Variants in LIX1 observed in about 807,000 individuals in gnomAD.
LIX1 encodes the protein protein limb expression 1 homolog.
Under a neutral mutation model 33.4 loss-of-function variants are expected in LIX1, and 24 were observed. The ratio of observed to expected loss-of-function variants is 0.72; its 90% confidence interval spans 0.52 to 1.01. LIX1 has a LOEUF of 1.01. Ranked by LOEUF, LIX1 falls within the 50% of genes least tolerant of loss-of-function variation. The pLI is 0.00. For missense variants in LIX1, 311 were observed against 339.2 expected (o/e 0.92, Z 0.65); for synonymous variants, 124 against 124.0 (o/e 1.00, Z 0.00).
At chr5:97,135,097 G>A (rs1748145346) in intron 1 of LIX1, among the ~76,000 whole-genome samples, 1 of 152,046 alleles carries the variant, frequency 6.6e-6, no homozygotes, top group African/African-American at 2.4e-5. Context: ...GATCCTTCAG[G>A]TTGTTTTACA....
chr5:97,100,616 G>A (rs180828085), intron 4 of LIX1, among the ~76,000 whole-genome samples: 11 of 152,204 alleles, frequency 7.2e-5, no homozygotes, highest in African/African-American at 2.4e-4. Context: ...TCAACTCCAG[G>A]AAATCTTTGC....
At chr5:97,121,302 G>T (rs1206269101) in intron 2 of LIX1, among the ~76,000 whole-genome samples, 2 of 151,986 alleles carry the variant, frequency 1.3e-5, no homozygotes, top group Non-Finnish European at 2.9e-5. Flanking sequence ...AATATGTTGG[G>T]CCATTTCCAT....
intron 4 of LIX1, among the ~76,000 whole-genome samples, chr5:97,098,206 G>GAA (rs1410047889): frequency 6.6e-6 from 1 of 152,168 alleles, no homozygotes; most frequent in East Asian, 1.9e-4. Flanking sequence ...ATTCAGTCAA[G>GAA]AAAAATGCCT....
intron 1 of LIX1, among the ~76,000 whole-genome samples, chr5:97,131,502 C>A (rs1191418405): frequency 6.6e-6 from 1 of 152,140 alleles, no homozygotes; most frequent in Non-Finnish European, 1.5e-5. Flanking sequence ...CTAAATGTAT[C>A]CAGTCAGACT....
At chr5:97,128,936 A>G (rs539075275) in intron 1 of LIX1, among the ~76,000 whole-genome samples, 4 of 152,262 alleles carry the variant, frequency 2.6e-5, no homozygotes, top group Admixed American at 1.3e-4. Context: ...TTCCGGGGTA[A>G]TATCACTGAA....
Position 97,094,594 on chromosome 5 carries a change from G to A in LIX1, c.*154C>T, listed in dbSNP as rs1047839504. ...TTGTTGGGTCTTGTAAGGGTCCTAC[G>A]ACTCTCATACTCTGTAAATGGAATG... On this transcript the variant is annotated 3_prime_UTR_variant, in exon 6 of 6. Coordinates refer to ENST00000274382, the MANE Select transcript of LIX1 (RefSeq NM_153234.5). The A allele has an allele frequency of 4.5e-6, 3 of 659,534 alleles. No homozygotes were observed. The highest frequency in any genetic ancestry group is 7.7e-6 in the Non-Finnish European group (3 of 392,020). The allele number at this position is 659,534 out of a possible 1,614,324, so 40.9% of individuals were successfully genotyped here. A position where few individuals can be genotyped will look rare whatever the true frequency, so the allele number is the denominator to read the frequency against.
At chr5:97,134,672 T>A (rs1402033113) in intron 1 of LIX1, among the ~76,000 whole-genome samples, 1 of 152,224 alleles carries the variant, frequency 6.6e-6, no homozygotes, top group Non-Finnish European at 1.5e-5. Context: ...TTTACATTCA[T>A]GAAAATGAGT....
chr5:97,139,642 G>T (rs1250738401), intron 1 of LIX1, among the ~76,000 whole-genome samples: 2 of 152,232 alleles, frequency 1.3e-5, no homozygotes, highest in African/African-American at 4.8e-5. Context: ...GTAGTGTGGA[G>T]ACTTCCAGTG....
chr5:97,123,975 G>A (rs910235743), intron 2 of LIX1, among the ~76,000 whole-genome samples: 3 of 152,120 alleles, frequency 2.0e-5, no homozygotes, highest in Non-Finnish European at 1.5e-5. Flanking sequence ...CCCTCACTCA[G>A]TGAAGGATTT....
chr5:97,120,168 T>C (rs1254616274), intron 2 of LIX1, among the ~76,000 whole-genome samples: 1 of 152,230 alleles, frequency 6.6e-6, no homozygotes, highest in Non-Finnish European at 1.5e-5. Flanking sequence ...CTGATTTTAC[T>C]GTTACTGACT....
intron 2 of LIX1, among the ~76,000 whole-genome samples, chr5:97,108,236 T>C (rs1172792487): frequency 6.6e-6 from 1 of 152,228 alleles, no homozygotes. Flanking sequence ...AGTTCCCTGA[T>C]TTTCTTGAGG....
intron 4 of LIX1, among the ~76,000 whole-genome samples, chr5:97,103,855 C>A (rs564370865): frequency 6.6e-6 from 1 of 151,670 alleles, no homozygotes; most frequent in African/African-American, 2.4e-5. Context: ...GTCCCAGCTA[C>A]TCAGGAGGCT....
chr5:97,135,545 G>A (rs1402611709), intron 1 of LIX1, among the ~76,000 whole-genome samples: 3 of 152,128 alleles, frequency 2.0e-5, no homozygotes, highest in Non-Finnish European at 2.9e-5. Flanking sequence ...TAGGCCAGGC[G>A]CAGTGGCTCA....
chr5:97,127,284 C>T (rs549525773), intron 1 of LIX1, among the ~76,000 whole-genome samples: 41 of 152,260 alleles, frequency 2.7e-4, no homozygotes, highest in Non-Finnish European at 5.0e-4. Context: ...GCATGATAAT[C>T]TAGGGAAAAT....
chr5:97,123,640 C>G (rs948259004), intron 2 of LIX1, among the ~76,000 whole-genome samples: 1 of 152,212 alleles, frequency 6.6e-6, no homozygotes, highest in African/African-American at 2.4e-5. Context: ...ATACATCACT[C>G]TTCTGCTCAG....
intron 4 of LIX1, among the ~76,000 whole-genome samples, chr5:97,102,804 A>G (rs560510222): frequency 6.6e-6 from 1 of 151,532 alleles, no homozygotes; most frequent in South Asian, 2.1e-4. Context: ...ATCATTCTTA[A>G]TTTTTCCAAA....
intron 4 of LIX1, among the ~76,000 whole-genome samples, chr5:97,100,388 CT>C: frequency 6.6e-6 from 1 of 152,236 alleles, no homozygotes; most frequent in East Asian, 1.9e-4. Flanking sequence ...CTCAGTGTTG[CT>C]TTTGTTCTTA....
At chr5:97,105,740 T>C (rs1746985293) in intron 3 of LIX1, among the ~76,000 whole-genome samples, 1 of 152,234 alleles carries the variant, frequency 6.6e-6, no homozygotes, top group Non-Finnish European at 1.5e-5. Flanking sequence ...CTTTTCGTAA[T>C]ATGCTGGTGT....
chr5:97,129,479 C>G (rs766791600), intron 1 of LIX1, among the ~76,000 whole-genome samples: 1 of 152,006 alleles, frequency 6.6e-6, no homozygotes, highest in African/African-American at 2.4e-5. Context: ...TCCTAATGTA[C>G]CTATTATATG....
Sources: gnomAD v4.1 joint callset for allele counts (sites outside exome capture counted in the v4.1 genomes callset) on GRCh38, gnomAD v4.1.1 for gene constraint, MANE v1.5 for transcripts, NCBI Gene and HGNC (gene_info 2026-07-23, HGNC 2026-07-21) for gene names.